GCLC: variants seen among roughly 807,000 people sequenced by gnomAD.
GCLC encodes the protein glutamate--cysteine ligase catalytic subunit.
Under a neutral mutation model 81.5 loss-of-function variants are expected in GCLC, and 30 were observed. The ratio of observed to expected loss-of-function variants is 0.37; its 90% CI spans 0.28 to 0.50. The LOEUF is 0.50. Among genes scored for constraint, GCLC ranks in the 20% least tolerant of loss-of-function variants. The pLI, the probability that GCLC is intolerant of heterozygous loss-of-function variation, is 0.96. For missense variants in GCLC, 556 were observed against 777.4 expected (o/e 0.72, Z 3.39); for synonymous variants, 262 against 273.3 (o/e 0.96, Z 0.41).
At chr6:53,507,192 G>T (rs117722118) in intron 9 of GCLC, 167 bp from the exon 10 acceptor site, 5 of 695,206 alleles carry the variant, frequency 7.2e-6, no homozygotes, top group African/African-American at 5.3e-5. Flanking sequence ...TTTATCCTGC[G>T]GACACTGCGG....
intron 1 of GCLC, among the ~76,000 whole-genome samples, chr6:53,529,113 T>C (rs1354325237): frequency 6.6e-6 from 1 of 152,212 alleles, no homozygotes; most frequent in Non-Finnish European, 1.5e-5. Context: ...CCCTAATGGA[T>C]AGTATAGAGT....
At chr6:53,522,375 A>G (rs1763013971) in intron 2 of GCLC, 40 bp downstream of exon 2, 1 of 1,119,054 alleles carries the variant, frequency 8.9e-7, no homozygotes, top group Admixed American at 1.7e-5. Flanking sequence ...TAGAAGTTTT[A>G]GCAGTTTCAG....
At chr6:53,524,631 CACTT>C (rs1476434274) in intron 1 of GCLC, among the ~76,000 whole-genome samples, 3 of 152,204 alleles carry the variant, frequency 2.0e-5, no homozygotes, top group Admixed American at 1.3e-4. Flanking sequence ...CTCCTTCACT[CACTT>C]AGACTCCAAC....
intron 8 of GCLC, among the ~76,000 whole-genome samples, chr6:53,507,860 T>A (rs539570403): frequency 6.6e-6 from 1 of 152,280 alleles, no homozygotes; most frequent in South Asian, 2.1e-4. Flanking sequence ...TCATTCTTAT[T>A]AAGCTAGGGA....
intron 6 of GCLC, chr6:53,513,905 AAAGAG>A: frequency 2.9e-6 from 1 of 349,492 alleles, no homozygotes; most frequent in Non-Finnish European, 5.3e-6. Context: ...AGGCATATAA[AAAGAG>A]AAGGGAAACA....
intron 12 of GCLC, among the ~76,000 whole-genome samples, chr6:53,502,923 A>G (rs1051954754): frequency 1.3e-4 from 20 of 152,202 alleles, no homozygotes; most frequent in Admixed American, 1.1e-3. Context: ...TCCTGTTTCT[A>G]TACTATTAAT....
At chr6:53,500,706 T>A in intron 12 of GCLC, 193 bp from the exon 13 acceptor site, 1 of 609,412 alleles carries the variant, frequency 1.6e-6, no homozygotes, top group East Asian at 2.8e-5. Context: ...GATTGGTATG[T>A]GATTTTTCAA....
In GCLC at chr6:53,498,485, G is replaced by C. The variant is rs754877958; in HGVS notation, c.*271C>G. The stretch of plus-strand genomic sequence containing the variant: ...TGCTTAGACAGTAGGTTGCTCCAGA[G>C]TAAGAATTTAAAAATGTACAAGCCA... On this transcript the variant is annotated 3_prime_UTR_variant, in exon 16 of 16. Transcript: ENST00000650454. 26 of 438,340 alleles carry C rather than the reference G, an allele frequency of 5.9e-5. No individual in the cohort carries two copies. Among genetic ancestry groups the C allele is most frequent in the Non-Finnish European group, 1.0e-4 (25 of 242,114 alleles). 27.2% of individuals were successfully genotyped at this position (438,340 alleles called of 1,614,324 possible).
intron 1 of GCLC, among the ~76,000 whole-genome samples, chr6:53,533,723 T>C: frequency 8.7e-6 from 1 of 114,752 alleles, no homozygotes; most frequent in African/African-American, 3.4e-5. Context: ...AAACACCAAA[T>C]GATAGGGTTT....
chr6:53,517,579 A>C (rs1029015533), intron 3 of GCLC, among the ~76,000 whole-genome samples: 2 of 152,180 alleles, frequency 1.3e-5, no homozygotes, highest in African/African-American at 4.8e-5. Flanking sequence ...CTAGAACCTT[A>C]GGAATAGTCC....
Position 53,545,009 on chromosome 6 carries a change from C to CGGTCTGGTGCACT in GCLC, c.-377_-365dup, listed in dbSNP as rs1554157816. ...CGCGGCGGCTCCCGCTTCTCTTTGCCGGTCTGGTGCACTGGCTTCTTCCTA... is the reference window on the plus strand; with the variant it reads ...CGCGGCGGCTCCCGCTTCTCTTTGCCGGTCTGGTGCACTGGTCTGGTGCACTGGCTTCTTCCTA... On this transcript the variant is annotated 5_prime_UTR_variant, in exon 1 of 16. Coordinates refer to ENST00000650454, the MANE Select transcript of GCLC (RefSeq NM_001498.4). The CGGTCTGGTGCACT allele has an allele frequency of 1.2e-5, 2 of 173,600 alleles. No homozygotes were observed. The highest frequency in any genetic ancestry group is 2.4e-5 in the Non-Finnish European group (2 of 82,642). 10.8% of individuals were successfully genotyped at this position (173,600 alleles called of 1,614,324 possible).
intron 10 of GCLC, 91 bp from the exon 11 acceptor site, chr6:53,505,986 C>T (rs1764607207): frequency 1.1e-5 from 9 of 789,220 alleles, no homozygotes; most frequent in Non-Finnish European, 1.4e-5. Flanking sequence ...AAGAAGACTG[C>T]TCACTGTCCA....
chr6:53,528,608 GT>G (rs1330622237), intron 1 of GCLC, among the ~76,000 whole-genome samples: 1 of 152,020 alleles, frequency 6.6e-6, no homozygotes, highest in African/African-American at 2.4e-5. Context: ...GAGAAAATAG[GT>G]TTTTTTCCTC....
intron 11 of GCLC, 122 bp from the exon 12 acceptor site, chr6:53,505,618 G>C: frequency 1.3e-6 from 1 of 754,026 alleles, no homozygotes; most frequent in South Asian, 1.5e-5. Context: ...ATCTGGGTCT[G>C]GAAGCCCTTT....
At position 53,505,813 on chromosome 6, in the gene GCLC, C is replaced by T; in HGVS notation, c.1280G>A (p.Arg427Gln). Residue 427 changes from arginine to glutamine, a missense_variant, in exon 11 of 16, where the codon CGA becomes CAA. Coordinates refer to ENST00000650454, the MANE Select transcript of GCLC (RefSeq NM_001498.4). ...NSDIGWRVEFRPMEVQLTDFE... is the reference protein window; with the variant it reads ...NSDIGWRVEFQPMEVQLTDFE... ...ATGCATGTGTCTTACCTCCATGGGT[C>T]GAAATTCTACTCTCCATCCAATGTC... The T allele has an allele frequency of 1.2e-6, 2 of 1,601,012 alleles. No homozygotes were observed. Among genetic ancestry groups the T allele is most frequent in the Admixed American group, 1.7e-5 (1 of 60,008 alleles).
At chr6:53,542,026 T>C (rs1763367040) in intron 1 of GCLC, among the ~76,000 whole-genome samples, 1 of 152,080 alleles carries the variant, frequency 6.6e-6, no homozygotes, top group Non-Finnish European at 1.5e-5. Flanking sequence ...TGCCACTAAT[T>C]TTTTATTTTT....
At chr6:53,517,558 T>C (rs969223552) in intron 3 of GCLC, among the ~76,000 whole-genome samples, 7 of 152,138 alleles carry the variant, frequency 4.6e-5, no homozygotes, top group African/African-American at 1.7e-4. Context: ...TGTGCATTAT[T>C]TACTATGAGC....
At chr6:53,521,772 G>A (rs1420015508) in intron 2 of GCLC, among the ~76,000 whole-genome samples, 1 of 152,070 alleles carries the variant, frequency 6.6e-6, no homozygotes, top group East Asian at 1.9e-4. Flanking sequence ...AGGAAATGGA[G>A]ACCATCCTGG....
intron 6 of GCLC, chr6:53,509,709 C>T (rs543666507): frequency 9.8e-6 from 2 of 203,162 alleles, no homozygotes; most frequent in East Asian, 1.4e-4. Flanking sequence ...GGTGCAGTGG[C>T]GCGCTCTCGG....
Sources: allele counts gnomAD v4.1 joint callset (sites outside exome capture counted in the v4.1 genomes callset), GRCh38; gene constraint gnomAD v4.1.1; transcripts MANE v1.5; gene names NCBI Gene and HGNC (gene_info 2026-07-23, HGNC 2026-07-21).